The following TM6SF2 variants were observed in gnomAD, a reference collection of about 807,000 sequenced individuals.
TM6SF2 encodes the protein transmembrane 6 superfamily member 2.
In TM6SF2, 29 loss-of-function variants were observed where a neutral mutation model predicts 41.0. That is an observed-to-expected ratio of 0.71 (90% CI 0.53 to 0.96). The LOEUF is 0.96. TM6SF2 is among the 50% of genes least tolerant of loss of function. The pLI, the probability that TM6SF2 is intolerant of heterozygous loss-of-function variation, is 0.00. For missense variants in TM6SF2, 475 were observed against 499.0 expected, an observed-to-expected ratio of 0.95 and a Z score of 0.46; for synonymous variants, 200 against 209.1, an observed-to-expected ratio of 0.96 and a Z score of 0.37.
chr19:19,272,393 G>A (rs1250770757), intron 1 of TM6SF2, among the ~76,000 whole-genome samples: 1 of 152,208 alleles, frequency 6.6e-6, no homozygotes, highest in East Asian at 1.9e-4. Flanking sequence ...GGGAACTGAG[G>A]CTCCCAGAGG....
Position 19,268,177 on chromosome 19 carries a change from C to T in TM6SF2, c.610-90G>A, listed in dbSNP as rs1469521414. The T allele has an allele frequency of 2.6e-5, 22 of 848,982 alleles. No individual in the cohort carries two copies. In the East Asian group the frequency reaches 4.3e-4, roughly 17 times the overall value. 52.6% of individuals were successfully genotyped at this position (848,982 alleles called of 1,614,324 possible). A position where few individuals can be genotyped will look rare whatever the true frequency, so the allele number is the denominator to read the frequency against. On this transcript the variant is annotated intron_variant, in intron 6 of 9. Transcript: ENST00000389363. ...CAATAAAGGTTCCTAAGGCTCCTCC[C>T]TTCTTTCTTTTTTTCTTTTTTTTCT...
Position 19,270,410 on chromosome 19 carries a change from C to T in TM6SF2, c.232G>A (p.Asp78Asn). ...TCTTCCTGAAGAGCGATGATGAGGT[C>T]CACAACCGAGGTGAAGGCGAAGACA... ...FAVFAFTSVV[D>N]LIIALQEDSY... Residue 78 changes from aspartate (D) to asparagine (N), a missense_variant, in exon 3 of 10, where the codon GAC becomes AAC. Physicochemically the swap from Asp to Asn is conservative, Grantham distance 23. Around this residue, in one of 3 missense-constraint regions of TM6SF2, gnomAD observed 238 missense variants for 228.6 expected, o/e 1.04. Coordinates refer to ENST00000389363, the MANE Select transcript of TM6SF2 (RefSeq NM_001001524.3). 6.2e-7 allele frequency: 1 copy of T among 1,613,294 alleles called. No individual in the cohort carries two copies. The highest frequency in any genetic ancestry group is 8.5e-7 in the Non-Finnish European group (1 of 1,179,436).
chr19:19,269,648 G>C (rs757719730), intron 5 of TM6SF2, 39 bp downstream of exon 5: 5 of 1,613,328 alleles, frequency 3.1e-6, no homozygotes, highest in Non-Finnish European at 4.2e-6. Context: ...CAGTGACCAA[G>C]CCCAAGAGAA....
intron 9 of TM6SF2, among the ~76,000 whole-genome samples, chr19:19,265,372 A>G (rs542724791): frequency 3.2e-5 from 4 of 125,224 alleles, no homozygotes; most frequent in African/African-American, 1.4e-4. Flanking sequence ...CTATCTATCT[A>G]TCTATCTATC....
chr19:19,264,556 G>A lies in TM6SF2; in HGVS notation c.*108C>T. The stretch of plus-strand genomic sequence containing the variant: ...TGAAACTACCATAGCCAAGACTAAA[G>A]ACACCCGGAGATGTCCCTCCTGTCT... On this transcript the variant is annotated 3_prime_UTR_variant, in exon 10 of 10. Coordinates refer to ENST00000389363, the MANE Select transcript of TM6SF2 (RefSeq NM_001001524.3). 2 of 980,782 alleles carry A rather than the reference G, an allele frequency of 2.0e-6. No homozygotes were observed. Among genetic ancestry groups the A allele is most frequent in the Non-Finnish European group, 2.8e-6 (2 of 724,292 alleles). 60.8% of individuals were successfully genotyped at this position (980,782 alleles called of 1,614,324 possible). A position where few individuals can be genotyped will look rare whatever the true frequency, so the allele number is the denominator to read the frequency against.
intron 9 of TM6SF2, 88 bp from the exon 10 acceptor site, chr19:19,264,961 C>T: frequency 1.0e-6 from 1 of 1,003,122 alleles, no homozygotes; most frequent in Non-Finnish European, 1.4e-6. Flanking sequence ...GTAGGTCAGG[C>T]AGAACCCAGG....
At chr19:19,270,121 G>A in intron 4 of TM6SF2, 52 bp downstream of exon 4, 1 of 1,609,374 alleles carries the variant, frequency 6.2e-7, no homozygotes, top group Middle Eastern at 1.7e-4. Flanking sequence ...CCCATCTGAG[G>A]ATGCAACTTC....
intron 1 of TM6SF2, among the ~76,000 whole-genome samples, chr19:19,271,650 C>T (rs2061024474): frequency 6.6e-6 from 1 of 152,144 alleles, no homozygotes; most frequent in African/African-American, 2.4e-5. Context: ...CCTGCCTCAG[C>T]CTCCCAAGTA....
intron 5 of TM6SF2, 113 bp downstream of exon 5, chr19:19,269,574 T>TGGG: frequency 7.9e-7 from 1 of 1,258,424 alleles, no homozygotes; most frequent in Non-Finnish European, 1.1e-6. Context: ...AAGAGGGAGG[T>TGGG]GGGGCCTCTG....
chr19:19,268,732 C>G lies in TM6SF2; in HGVS notation c.507G>C (p.Arg169Ser). 6.2e-7 allele frequency: 1 copy of G among 1,605,420 alleles called. No homozygotes were observed. Among genetic ancestry groups the G allele is most frequent in the East Asian group, 2.3e-5 (1 of 44,090 alleles). ...NILGKYSSEI[R>S]PAFFLTIPYL... is the part of the protein sequence containing the mutation. ...AGGGGATGGTGAGGAAGAAGGCAGG[C>G]CTGATCTCGGAGCTGTATTTGCCTT... is the stretch of plus-strand genomic sequence containing the variant. Residue 169 changes from arginine to serine, a missense_variant, in exon 6 of 10, where the codon AGG becomes AGC. This residue lies in a region of TM6SF2 where 238 missense variants were observed against 228.6 expected (regional missense o/e 1.04). Coordinates refer to ENST00000389363, the MANE Select transcript of TM6SF2 (RefSeq NM_001001524.3).
chr19:19,266,936 T>C (rs900331335), intron 8 of TM6SF2, among the ~76,000 whole-genome samples: 6 of 152,172 alleles, frequency 3.9e-5, no homozygotes, highest in African/African-American at 1.4e-4. Flanking sequence ...TGCCTAAGAC[T>C]TGTGCTTAAG....
intron 4 of TM6SF2, 88 bp downstream of exon 4, chr19:19,270,085 C>T (rs758380915): frequency 3.8e-6 from 6 of 1,575,886 alleles, no homozygotes; most frequent in Non-Finnish European, 3.4e-6. Flanking sequence ...CCTACAGACA[C>T]TTCTGGCTCC....
At position 19,264,568 on chromosome 19, in the gene TM6SF2, T is replaced by G; in HGVS notation, c.*96A>C. 9.2e-7 allele frequency: 1 copy of G among 1,082,156 alleles called. No individual in the cohort carries two copies. The highest frequency in any genetic ancestry group is 2.6e-5 in the South Asian group (1 of 39,158). The allele number at this position is 1,082,156 out of a possible 1,614,324, so 67.0% of individuals were successfully genotyped here. A position where few individuals can be genotyped will look rare whatever the true frequency, so the allele number is the denominator to read the frequency against. On this transcript the variant is annotated 3_prime_UTR_variant, in exon 10 of 10. Coordinates refer to ENST00000389363, the MANE Select transcript of TM6SF2 (RefSeq NM_001001524.3). ...AGCCAAGACTAAAGACACCCGGAGA[T>G]GTCCCTCCTGTCTCTAAAACACCCA...
Position 19,266,602 on chromosome 19 carries a change from A to T in TM6SF2, c.812T>A (p.Met271Lys), listed in dbSNP as rs757260859. ...PVAYPKVQMLMYMFYVLPFCG... is the reference protein window; with the variant it reads ...PVAYPKVQMLKYMFYVLPFCG... ...GAAAGGCAGGACATAAAACATGTAC[A>T]TCAGCATCTGCAGGGGCGGGAGGAG... Residue 271 changes from methionine (M) to lysine (K), a missense_variant, in exon 9 of 10, where the codon ATG (methionine) becomes AAG (lysine). Coordinates refer to ENST00000389363, the MANE Select transcript of TM6SF2 (RefSeq NM_001001524.3). The T allele has an allele frequency of 2.2e-5, 36 of 1,613,256 alleles. No individual in the cohort carries two copies. Among genetic ancestry groups the T allele is most frequent in the Admixed American group, 5.0e-5 (3 of 59,948 alleles).
chr19:19,268,788 G>T, intron 5 of TM6SF2, 34 bp from the exon 6 acceptor site: 1 of 1,555,958 alleles, frequency 6.4e-7, no homozygotes, highest in East Asian at 2.5e-5. Flanking sequence ...CATCAGCCAT[G>T]CCAGAACCCT....
chr19:19,265,002 T>A, intron 9 of TM6SF2, 129 bp from the exon 10 acceptor site: 1 of 496,312 alleles, frequency 2.0e-6, no homozygotes, highest in Non-Finnish European at 3.4e-6. Context: ...CGGGCTTTGC[T>A]CATCTATCTG....
chr19:19,270,186 C>T lies in TM6SF2; in HGVS notation c.388G>A (p.Ala130Thr), dbSNP rs758530683. 6.2e-5 allele frequency: 100 copies of T among 1,613,790 alleles called. No individual in the cohort carries two copies. The East Asian group carries it at 9.4e-4, about 15-fold the overall frequency. ...HYLLYLAMAG[A>T]ICRRKRYRNF... is the part of the protein sequence containing the mutation. ...TGCCTCCTGCACCTTCTGCAGATGG[C>T]GCCGGCCATGGCCAGGTAGAGGAGG... is the stretch of plus-strand genomic sequence containing the variant. The change falls in exon 4 of 10, where the codon GCC (alanine) becomes ACC (threonine). Residue 130 changes from alanine to threonine, a missense_variant. Coordinates refer to ENST00000389363, the MANE Select transcript of TM6SF2 (RefSeq NM_001001524.3).
intron 9 of TM6SF2, among the ~76,000 whole-genome samples, chr19:19,265,387 T>C (rs1437812393): frequency 1.5e-5 from 2 of 133,928 alleles, no homozygotes; most frequent in African/African-American, 3.1e-5. Flanking sequence ...TCTATCTATC[T>C]ATCTATCTAT....
rs548804768 is a variant in TM6SF2 at position 19,265,360 on chromosome 19, T to TTCTATCTATCTATCTA, written c.925-503_925-488dup. Reference sequence around the variant, plus strand: ...ACCATGCCTGGCCTATTTTTAAAATTTCTATCTATCTATCTATCTATCTAT... The same window carrying TTCTATCTATCTATCTA: ...ACCATGCCTGGCCTATTTTTAAAATTTCTATCTATCTATCTATCTATCTATCTATCTATCTATCTAT... On this transcript the variant is annotated intron_variant, in intron 9 of 9. Transcript: ENST00000389363. 1.5e-3 allele frequency among the ~76,000 whole-genome samples: 216 copies of TTCTATCTATCTATCTA among 140,496 alleles called. 3 individuals carry two copies. Among genetic ancestry groups the TTCTATCTATCTATCTA allele is most frequent in the Admixed American group, 4.4e-3 (60 of 13,686 alleles). The allele number at this position is 140,496 out of a possible 152,430, so 92.2% of individuals were successfully genotyped here.
Sources: gnomAD v4.1 joint callset for allele counts (sites outside exome capture counted in the v4.1 genomes callset) on GRCh38, gnomAD v4.1.1 for gene constraint, gnomAD v4.1.1 regional missense constraint, MANE v1.5 for transcripts, NCBI Gene and HGNC (gene_info 2026-07-23, HGNC 2026-07-21) for gene names.